Variants in ACO2 observed in about 807,000 individuals in gnomAD.
The protein encoded by ACO2 is aconitate hydratase, mitochondrial.
ACO2 carries 31 observed loss-of-function variants against 84.5 expected under a neutral mutation model. The observed-to-expected ratio is 0.37, with a 90% CI of 0.28 to 0.50. ACO2 has a LOEUF of 0.50. Among genes scored for constraint, ACO2 ranks in the 20% least tolerant of loss-of-function variants. The probability of loss-of-function intolerance (pLI) is 0.97; values close to 1 mark genes in which losing one functional copy is unlikely to be tolerated. For missense variants in ACO2, 685 were observed against 1,029.3 expected, an observed-to-expected ratio of 0.67 and a Z score of 4.58; for synonymous variants, 414 against 412.7, an observed-to-expected ratio of 1.00 and a Z score of -0.04.
chr22:41,527,550 T>C, intron 16 of ACO2, 130 bp downstream of exon 16: 2 of 1,295,502 alleles, frequency 1.5e-6, no homozygotes, highest in East Asian at 4.7e-5. Flanking sequence ...CGTCAGCCTC[T>C]TGCCCCTTCT....
intron 12 of ACO2, 22 bp from the exon 13 acceptor site, chr22:41,524,824 A>G: frequency 6.2e-7 from 1 of 1,614,076 alleles, no homozygotes; most frequent in African/African-American, 1.3e-5. Flanking sequence ...GCTGACCAAC[A>G]AACTGGCCAC....
chr22:41,486,608 G>A (rs563610326), intron 1 of ACO2, among the ~76,000 whole-genome samples: 1 of 149,346 alleles, frequency 6.7e-6, no homozygotes, highest in Non-Finnish European at 1.5e-5. Flanking sequence ...GTAGCTGGGA[G>A]TACAGGCACC....
At chr22:41,516,130 T>C in intron 6 of ACO2, 1 of 676,900 alleles carries the variant, frequency 1.5e-6, no homozygotes, top group Non-Finnish European at 2.6e-6. Flanking sequence ...TTGAGATACC[T>C]GTCGAGGCTG....
Position 41,525,321 on chromosome 22 carries a change from C to T in ACO2, c.1734C>T (p.Asp578=), listed in dbSNP as rs1330076222. The change falls in exon 14 of 18, where the codon GAC becomes GAT. Residue 578 remains aspartate (D), a synonymous_variant. Transcript: ENST00000216254. ...LEPFDKWDGK[D]LEDLQILIKV... ...CTTTTGACAAGTGGGATGGCAAGGA[C>T]CTGGAGGACCTGCAGATCCTCATCA... is the stretch of plus-strand genomic sequence containing the variant. 10 of 1,613,890 alleles carry T rather than the reference C, an allele frequency of 6.2e-6. No individual in the cohort carries two copies. The highest frequency in any genetic ancestry group is 1.3e-5 in the African/African-American group (1 of 74,928).
intron 12 of ACO2, 62 bp downstream of exon 12, chr22:41,524,003 G>A (rs2066551946): frequency 1.4e-6 from 2 of 1,459,766 alleles, no homozygotes; most frequent in Non-Finnish European, 1.9e-6. Flanking sequence ...GCGGGTCAGA[G>A]GAGGAGGCAG....
chr22:41,499,033 G>A (rs1353812328), intron 1 of ACO2, among the ~76,000 whole-genome samples: 1 of 150,996 alleles, frequency 6.6e-6, no homozygotes, highest in East Asian at 1.9e-4. Flanking sequence ...GGAGGCGGCG[G>A]TATCAGTGAG....
At chr22:41,478,951 C>T (rs1176900583) in intron 1 of ACO2, among the ~76,000 whole-genome samples, 1 of 151,848 alleles carries the variant, frequency 6.6e-6, no homozygotes, top group Admixed American at 6.6e-5. Context: ...TCTTGTATGC[C>T]ACACTTCTTT....
At chr22:41,517,221 C>T (rs1038505768) in intron 6 of ACO2, 11 of 383,134 alleles carry the variant, frequency 2.9e-5, no homozygotes, top group South Asian at 9.4e-5. Flanking sequence ...ATCTCTTGGG[C>T]GACAGTCAGG....
chr22:41,481,304 G>A (rs1457377217), intron 1 of ACO2, among the ~76,000 whole-genome samples: 1 of 152,172 alleles, frequency 6.6e-6, no homozygotes, highest in African/African-American at 2.4e-5. Flanking sequence ...TCTGACAAGT[G>A]CTTGGTGACT....
At chr22:41,512,179 C>T in intron 4 of ACO2, 2 of 482,192 alleles carry the variant, frequency 4.1e-6, no homozygotes, top group South Asian at 2.9e-5. Context: ...TAAAATAATA[C>T]CTCCTAACCA....
chr22:41,526,129 G>C (rs1298480638), intron 14 of ACO2, 133 bp from the exon 15 acceptor site: 1 of 732,880 alleles, frequency 1.4e-6, no homozygotes, highest in Non-Finnish European at 2.2e-6. Context: ...ACACGTGTCT[G>C]AAGACTTGCC....
At chr22:41,510,980 G>T (rs2066429260) in intron 3 of ACO2, among the ~76,000 whole-genome samples, 1 of 152,106 alleles carries the variant, frequency 6.6e-6, no homozygotes, top group South Asian at 2.1e-4. Flanking sequence ...GGGATCTCCA[G>T]CAAGTTATTT....
intron 3 of ACO2, 24 bp from the exon 4 acceptor site, chr22:41,511,852 C>A: frequency 6.4e-7 from 1 of 1,570,794 alleles, no homozygotes; most frequent in African/African-American, 1.4e-5. Flanking sequence ...TTGCTAACGC[C>A]CAATTATTGA....
At chr22:41,483,573 C>G (rs1009974350) in intron 1 of ACO2, among the ~76,000 whole-genome samples, 1 of 151,740 alleles carries the variant, frequency 6.6e-6, no homozygotes, top group African/African-American at 2.4e-5. Context: ...AGGAGAATCG[C>G]TTGAACCCAG....
At chr22:41,491,176 A>G (rs978565907) in intron 1 of ACO2, among the ~76,000 whole-genome samples, 11 of 152,092 alleles carry the variant, frequency 7.2e-5, no homozygotes, top group Admixed American at 2.0e-4. Context: ...GAAAAACTGC[A>G]TCTGTAAAGA....
chr22:41,485,429 G>A (rs553704409), intron 1 of ACO2, among the ~76,000 whole-genome samples: 3 of 145,158 alleles, frequency 2.1e-5, no homozygotes, highest in African/African-American at 2.5e-5. Flanking sequence ...TACCATGCCC[G>A]GCTAATTTTT....
intron 4 of ACO2, among the ~76,000 whole-genome samples, chr22:41,513,465 C>T (rs1198365271): frequency 1.3e-5 from 2 of 152,262 alleles, no homozygotes; most frequent in African/African-American, 4.8e-5. Context: ...GAACCCCTTT[C>T]CCTCTGGGAA....
intron 2 of ACO2, among the ~76,000 whole-genome samples, chr22:41,507,501 G>A (rs1205651731): frequency 6.6e-6 from 1 of 152,212 alleles, no homozygotes; most frequent in African/African-American, 2.4e-5. Flanking sequence ...TGCTGGGAAA[G>A]CCAGGATCCT....
In ACO2 at chr22:41,528,678, C is replaced by T. The variant is rs1804784; in HGVS notation, c.*65C>T. ...GCTCCACGTGTGCCATCAGTGGATCCGATCCGTCCAGCCATGGCTTCCTAT... is the reference window on the plus strand; with the variant it reads ...GCTCCACGTGTGCCATCAGTGGATCTGATCCGTCCAGCCATGGCTTCCTAT... On this transcript the variant is annotated 3_prime_UTR_variant, in exon 18 of 18. Transcript: ENST00000216254. 24 of 1,583,090 alleles carry T rather than the reference C, an allele frequency of 1.5e-5. No homozygotes were observed. Among genetic ancestry groups the T allele is most frequent in the Admixed American group, 3.4e-5 (2 of 58,202 alleles).
Sources: gnomAD v4.1 joint callset for allele counts (sites outside exome capture counted in the v4.1 genomes callset) on GRCh38, gnomAD v4.1.1 for gene constraint, MANE v1.5 for transcripts, NCBI Gene and HGNC (gene_info 2026-07-23, HGNC 2026-07-21) for gene names.